ZFHX3: variants seen among roughly 807,000 people sequenced by gnomAD.
ZFHX3 encodes zinc finger homeobox 3.
A neutral mutation model predicts 279.1 loss-of-function variants in ZFHX3; 42 were observed. That is an observed-to-expected ratio of 0.15 (90% CI 0.12 to 0.19). The LOEUF (loss-of-function observed/expected upper bound fraction) is 0.19, where lower values mean the gene tolerates loss of function less well. Among genes scored for constraint, ZFHX3 ranks in the 10% least tolerant of loss-of-function variants. The probability of loss-of-function intolerance (pLI) is 1.00; values close to 1 mark genes in which losing one functional copy is unlikely to be tolerated. For missense variants in ZFHX3, 4,981 were observed against 4,754.0 expected, an observed-to-expected ratio of 1.05 and a Z score of -1.40; for synonymous variants, 2,293 against 1,957.8, an observed-to-expected ratio of 1.17 and a Z score of -4.52.
chr16:72,840,479 C>T (rs145782354), intron 4 of ZFHX3, among the ~76,000 whole-genome samples: 7 of 152,122 alleles, frequency 4.6e-5, no homozygotes, highest in African/African-American at 1.7e-4. Context: ...ATGGGAATGA[C>T]GGACTATTTG....
At chr16:73,842,666 A>G (rs1219449663) in intron 1 of ZFHX3, among the ~76,000 whole-genome samples, 1 of 152,182 alleles carries the variant, frequency 6.6e-6, no homozygotes, top group Non-Finnish European at 1.5e-5. Context: ...AATAGTTTAA[A>G]TTAAAACAAC....
intron 4 of ZFHX3, among the ~76,000 whole-genome samples, chr16:73,260,085 T>C (rs897022656): frequency 1.3e-5 from 2 of 152,246 alleles, no homozygotes; most frequent in African/African-American, 4.8e-5. Context: ...CTTTAGTCCT[T>C]TTTTTCTCTT....
chr16:73,777,333 C>G (rs769599040), intron 1 of ZFHX3, among the ~76,000 whole-genome samples: 2 of 151,896 alleles, frequency 1.3e-5, no homozygotes, highest in Non-Finnish European at 2.9e-5. Context: ...GAAACCCCGT[C>G]TCTACTAAAA....
chr16:73,037,636 T>A (rs940808341), intron 1 of ZFHX3, among the ~76,000 whole-genome samples: 2 of 152,072 alleles, frequency 1.3e-5, no homozygotes, highest in Admixed American at 6.5e-5. Flanking sequence ...GGCCTGCACT[T>A]CAGGCTCCTG....
chr16:73,344,969 A>G (rs2016097751), intron 3 of ZFHX3, among the ~76,000 whole-genome samples: 1 of 152,102 alleles, frequency 6.6e-6, no homozygotes, highest in African/African-American at 2.4e-5. Flanking sequence ...TGCAGAGAGA[A>G]CCTGGGTCCC....
chr16:73,550,777 G>C (rs1263015014), intron 2 of ZFHX3, among the ~76,000 whole-genome samples: 1 of 152,316 alleles, frequency 6.6e-6, no homozygotes, highest in South Asian at 2.1e-4. Flanking sequence ...GGGAAGTAGA[G>C]AAGAATTCAA....
intron 8 of ZFHX3, among the ~76,000 whole-genome samples, chr16:73,071,192 C>T (rs1965822861): frequency 6.6e-6 from 1 of 151,036 alleles, no homozygotes. Context: ...GGAGGAGGGC[C>T]AGGCAAGGCT....
chr16:73,646,921 AGAGT>A (rs1202052726), intron 2 of ZFHX3, among the ~76,000 whole-genome samples: 8 of 152,126 alleles, frequency 5.3e-5, no homozygotes, highest in African/African-American at 1.9e-4. Flanking sequence ...AACCCTTTGG[AGAGT>A]GAAAGAACGT....
At chr16:73,072,369 A>AG (rs1358418462) in intron 8 of ZFHX3, among the ~76,000 whole-genome samples, 1 of 148,996 alleles carries the variant, frequency 6.7e-6, no homozygotes, top group Non-Finnish European at 1.5e-5. Context: ...GCTTGAACCC[A>AG]GGGGGTGGAA....
chr16:73,435,523 G>A (rs1196108085), intron 3 of ZFHX3, among the ~76,000 whole-genome samples: 4 of 152,050 alleles, frequency 2.6e-5, no homozygotes, highest in Admixed American at 6.5e-5. Flanking sequence ...TTCATTCTTT[G>A]TGGTGGGGCT....
chr16:72,910,316 G>A (rs1026984974), intron 3 of ZFHX3, among the ~76,000 whole-genome samples: 69 of 152,190 alleles, frequency 4.5e-4, no homozygotes, highest in Non-Finnish European at 3.2e-4. Context: ...ATGAGAAGGT[G>A]AAAAATCAGG....
At chr16:73,854,914 A>G (rs2142383699) in intron 1 of ZFHX3, among the ~76,000 whole-genome samples, 1 of 152,124 alleles carries the variant, frequency 6.6e-6, no homozygotes, top group Non-Finnish European at 1.5e-5. Context: ...GTGTACCTGA[A>G]CACAAACTCA....
In ZFHX3 at chr16:72,959,032, G is replaced by C. The variant is rs1317409166; in HGVS notation, c.1114C>G (p.Arg372Gly). 1.8e-5 allele frequency: 29 copies of C among 1,613,216 alleles called. No homozygotes were observed. Among genetic ancestry groups the C allele is most frequent in the East Asian group, 1.6e-4 (7 of 44,874 alleles). ...HSFYGKFSGI[R>G]MEGEEALPAG... ...GGGAGAGCTTCCTCCCCTTCCATTC[G>C]AATGCCACTAAATTTACCATAAAAA... The change falls in exon 2 of 10, where the codon CGA (arginine) becomes GGA (glycine). Residue 372 changes from arginine to glycine, a missense_variant. Arg to Gly is a moderately radical substitution (Grantham distance 125). Around this residue, in one of 7 missense-constraint regions of ZFHX3, gnomAD observed 1,068 missense variants for 935.2 expected, o/e 1.14. Coordinates refer to ENST00000268489, the MANE Select transcript of ZFHX3 (RefSeq NM_006885.4).
At position 72,784,803 on chromosome 16, in the gene ZFHX3, A is replaced by G. The variant is rs1196300993; in HGVS notation, c.*2361T>C. The G allele has an allele frequency of 6.6e-6, 1 of 152,620 alleles. No individual in the cohort carries two copies. The highest frequency in any genetic ancestry group is 1.9e-4 in the East Asian group (1 of 5,204). The allele number at this position is 152,620 out of a possible 1,614,324, so 9.5% of individuals were successfully genotyped here. On this transcript the variant is annotated 3_prime_UTR_variant, in exon 10 of 10. Transcript: ENST00000268489. ...ATTTCTACTTAAAAAAAACAATTAA[A>G]AAAGGAATTTGCACTGTGCATCAGC...
At chr16:73,342,252 T>C (rs1304857313) in intron 3 of ZFHX3, among the ~76,000 whole-genome samples, 1 of 152,166 alleles carries the variant, frequency 6.6e-6, no homozygotes. Flanking sequence ...ATGGGGTCTT[T>C]GCAAAAGCTA....
At chr16:73,416,564 C>T (rs1189741989) in intron 3 of ZFHX3, among the ~76,000 whole-genome samples, 2 of 152,104 alleles carry the variant, frequency 1.3e-5, no homozygotes, top group Admixed American at 1.3e-4. Context: ...CAGGGGTACT[C>T]AATTTAGCAG....
At position 73,682,997 on chromosome 16, in the gene ZFHX3, AAGAAAGAAAGAAAG is replaced by A. The variant is rs1457563260; in HGVS notation, c.-1607-2771_-1607-2758del. On this transcript the variant is annotated intron_variant, in intron 1 of 17. Coordinates refer to the ZFHX3 transcript ENST00000641206. ...AAGAAAGAAAGAAAGAAAGAAAAGA[AAGAAAGAAAGAAAG>A]AGAAAGGAGGGAGGGAGGGAGAAGG... 5.5e-3 allele frequency among the ~76,000 whole-genome samples: 463 copies of A among 83,682 alleles called. 39 individuals are homozygous for A. Among genetic ancestry groups the A allele is most frequent in the Middle Eastern group, 0.012 (1 of 86 alleles). 54.9% of individuals were successfully genotyped at this position (83,682 alleles called of 152,430 possible).
intron 2 of ZFHX3, among the ~76,000 whole-genome samples, chr16:73,500,957 G>A (rs1050664216): frequency 3.9e-5 from 6 of 152,196 alleles, no homozygotes; most frequent in Non-Finnish European, 5.9e-5. Flanking sequence ...AATGGCCTAG[G>A]CCGTCACACT....
At chr16:73,151,063 G>T (rs903163635) in intron 5 of ZFHX3, among the ~76,000 whole-genome samples, 1 of 152,124 alleles carries the variant, frequency 6.6e-6, no homozygotes, top group Non-Finnish European at 1.5e-5. Flanking sequence ...CATGCTAAAT[G>T]AAAGAAGCCA....
Sources: gnomAD v4.1 joint callset for allele counts (sites outside exome capture counted in the v4.1 genomes callset) on GRCh38, gnomAD v4.1.1 for gene constraint, gnomAD v4.1.1 regional missense constraint, MANE v1.5 for transcripts, NCBI Gene and HGNC (gene_info 2026-07-23, HGNC 2026-07-21) for gene names.